The following MYZAP variants were observed in gnomAD, a reference collection of about 807,000 sequenced individuals.
MYZAP encodes the protein myocardial zonula adherens protein, also known as GRINL1A complex locus upstream.
MYZAP carries 66 observed loss-of-function variants against 69.4 expected under a neutral mutation model. The ratio of observed to expected loss-of-function variants is 0.95; its 90% CI spans 0.78 to 1.17. The LOEUF (loss-of-function observed/expected upper bound fraction) is 1.17. Ranked by LOEUF, MYZAP falls within the 50% of genes most tolerant of loss-of-function variation. MYZAP has a pLI of 0.00. For synonymous variants in MYZAP, 256 were observed against 205.9 expected, an observed-to-expected ratio of 1.24 and a Z score of -2.09; for missense variants, 611 against 556.2, an observed-to-expected ratio of 1.10 and a Z score of -0.99.
At chr15:57,654,303 CG>C (rs1301881918) in intron 10 of MYZAP, among the ~76,000 whole-genome samples, 1 of 151,936 alleles carries the variant, frequency 6.6e-6, no homozygotes, top group Non-Finnish European at 1.5e-5. Context: ...TTTGTTTCAG[CG>C]GGAAACTCCT....
chr15:57,684,277 C>A lies in MYZAP; in HGVS notation c.1305-125C>A, dbSNP rs7172604. ...TGTAATATTTAAGTGAAATATTAAG[C>A]TGCATTATTGTCTTTTTATTTTTAA... On this transcript the variant is annotated intron_variant, in intron 12 of 12. Transcript: ENST00000267853. The A allele has an allele frequency of 2.7e-4, 181 of 661,938 alleles. No homozygotes were observed. In the African/African-American group the frequency reaches 3.0e-3, roughly 11 times the overall value. The allele number at this position is 661,938 out of a possible 1,614,324, so 41.0% of individuals were successfully genotyped here. A position where few individuals can be genotyped will look rare whatever the true frequency, so the allele number is the denominator to read the frequency against.
Position 57,618,041 on chromosome 15 carries a change from C to T in MYZAP, c.171C>T (p.Asp57=), listed in dbSNP as rs557151193. ...TTCCTACTTTCTTTTAGCTTCTTGACCTGAGCAATGGAGAACCTACCAGGA... is the reference window on the plus strand; with the variant it reads ...TTCCTACTTTCTTTTAGCTTCTTGATCTGAGCAATGGAGAACCTACCAGGA... ...KKIERKEQLL[D]LSNGEPTRKL... The change falls in exon 3 of 13, where the codon GAC becomes GAT. Residue 57 remains aspartate, a synonymous_variant. Transcript: ENST00000267853. 3 of 1,612,188 alleles carry T rather than the reference C, an allele frequency of 1.9e-6. No individual in the cohort carries two copies. The highest frequency in any genetic ancestry group is 1.3e-5 in the African/African-American group (1 of 74,866).
intron 9 of MYZAP, among the ~76,000 whole-genome samples, chr15:57,638,903 A>T (rs898561910): frequency 6.6e-6 from 1 of 152,214 alleles, no homozygotes; most frequent in Non-Finnish European, 1.5e-5. Flanking sequence ...ATATGTTAAT[A>T]ACCCCAAAAC....
In MYZAP at chr15:57,639,424, C is replaced by T. The variant is rs1480692328; in HGVS notation, c.1014-16C>T. On this transcript the variant is annotated splice_polypyrimidine_tract_variant and intron_variant, in intron 9 of 12. Transcript: ENST00000267853. ...TGGTTTAGGACTCATTTGCTTTTTTCTCCTATTTGTGTTAGGTATCAGCAG... is the reference window on the plus strand; with the variant it reads ...TGGTTTAGGACTCATTTGCTTTTTTTTCCTATTTGTGTTAGGTATCAGCAG... 2 of 1,612,632 alleles carry T rather than the reference C, an allele frequency of 1.2e-6. No homozygotes were observed. Among genetic ancestry groups the T allele is most frequent in the Non-Finnish European group, 8.5e-7 (1 of 1,179,448 alleles).
chr15:57,634,190 T>A (rs1463771024), intron 8 of MYZAP, among the ~76,000 whole-genome samples: 1 of 151,776 alleles, frequency 6.6e-6, no homozygotes, highest in Non-Finnish European at 1.5e-5. Context: ...CTGGTGAGTG[T>A]GGTGGGGGAA....
At chr15:57,643,748 T>G (rs2037293933) in intron 10 of MYZAP, among the ~76,000 whole-genome samples, 2 of 152,236 alleles carry the variant, frequency 1.3e-5, no homozygotes, top group Admixed American at 1.3e-4. Context: ...TTTGTTTTTT[T>G]TTTTTTTAAG....
intron 1 of MYZAP, among the ~76,000 whole-genome samples, chr15:57,594,742 A>G (rs2033944728): frequency 6.6e-6 from 1 of 152,216 alleles, no homozygotes; most frequent in Non-Finnish European, 1.5e-5. Flanking sequence ...ACACATGACT[A>G]CTTTATCATG....
intron 11 of MYZAP, among the ~76,000 whole-genome samples, chr15:57,666,517 C>G (rs1327176715): frequency 2.0e-5 from 3 of 152,182 alleles, no homozygotes; most frequent in Non-Finnish European, 1.5e-5. Context: ...CCAAATGACA[C>G]AGCAGACTCC....
In MYZAP at chr15:57,634,201, C is replaced by T. The variant is rs373763653; in HGVS notation, c.933+460C>T. On this transcript the variant is annotated intron_variant, in intron 8 of 12. Transcript: ENST00000267853. ...CAGGCTGGTGAGTGTGGTGGGGGAA[C>T]CTGAGGAAGGCGGGAGCTCAGCTGG... Among the ~76,000 whole-genome samples, 19 of 151,826 alleles carry T rather than the reference C, an allele frequency of 1.3e-4. No homozygotes were observed. In the East Asian group the frequency reaches 3.3e-3, roughly 26 times the overall value.
chr15:57,624,937 G>T lies in MYZAP; in HGVS notation c.412-842G>T, dbSNP rs560545461. Among the ~76,000 whole-genome samples, 127 of 152,184 alleles carry T rather than the reference G, an allele frequency of 8.3e-4. 2 individuals carry two copies. In the South Asian group the frequency reaches 8.9e-3, roughly 11 times the overall value. ...CCACATGGGGGGCCTTCCACCCTCA[G>T]TCCTAACTGTATCTAGCCTCTTACC... On this transcript the variant is annotated intron_variant, in intron 4 of 12. Transcript: ENST00000267853.
chr15:57,681,526 G>A (rs1165244252), intron 12 of MYZAP, among the ~76,000 whole-genome samples: 1 of 152,248 alleles, frequency 6.6e-6, no homozygotes, highest in East Asian at 1.9e-4. Flanking sequence ...GCTCACGCCT[G>A]TAATCCCAGC....
At chr15:57,628,822 C>T (rs61047793) in intron 5 of MYZAP, among the ~76,000 whole-genome samples, 5 of 152,196 alleles carry the variant, frequency 3.3e-5, no homozygotes, top group East Asian at 3.9e-4. Flanking sequence ...TGGTGGCTCA[C>T]GCCTGTAATC....
intron 10 of MYZAP, among the ~76,000 whole-genome samples, chr15:57,650,410 CT>C (rs1186901377): frequency 5.3e-5 from 8 of 152,120 alleles, no homozygotes; most frequent in Non-Finnish European, 1.0e-4. Context: ...CTCAGAGGAC[CT>C]TCTGGCTGAC....
At chr15:57,643,654 T>C (rs2037285092) in intron 10 of MYZAP, among the ~76,000 whole-genome samples, 1 of 152,118 alleles carries the variant, frequency 6.6e-6, no homozygotes, top group Non-Finnish European at 1.5e-5. Context: ...CTATTTGCCT[T>C]CCAAGAGGGT....
chr15:57,641,664 AAGAG>A (rs1295176347), intron 10 of MYZAP, among the ~76,000 whole-genome samples: 3 of 152,308 alleles, frequency 2.0e-5, no homozygotes, highest in Admixed American at 6.5e-5. Flanking sequence ...CAGCAACAAA[AAGAG>A]AGAGAGACAC....
intron 1 of MYZAP, among the ~76,000 whole-genome samples, chr15:57,603,550 C>T (rs2034551800): frequency 6.6e-6 from 1 of 152,182 alleles, no homozygotes; most frequent in South Asian, 2.1e-4. Context: ...ATTTTGATTA[C>T]TCCTGGTACC....
intron 8 of MYZAP, among the ~76,000 whole-genome samples, chr15:57,634,380 G>C (rs1442004308): frequency 6.6e-6 from 1 of 152,170 alleles, no homozygotes; most frequent in African/African-American, 2.4e-5. Context: ...GCTGACTTCT[G>C]GACCCAGGAG....
At chr15:57,655,379 G>C (rs1219122291) in intron 10 of MYZAP, among the ~76,000 whole-genome samples, 2 of 152,160 alleles carry the variant, frequency 1.3e-5, no homozygotes, top group Admixed American at 6.5e-5. Context: ...TGGGAAAATA[G>C]GGAGCACAGC....
intron 3 of MYZAP, among the ~76,000 whole-genome samples, chr15:57,619,244 A>T (rs1161668381): frequency 1.3e-5 from 2 of 152,254 alleles, no homozygotes; most frequent in Non-Finnish European, 2.9e-5. Context: ...CTTAGCAGAA[A>T]ATATGAGGAA....
Sources: allele counts gnomAD v4.1 joint callset (sites outside exome capture counted in the v4.1 genomes callset), GRCh38; gene constraint gnomAD v4.1.1; transcripts MANE v1.5; gene names NCBI Gene and HGNC (gene_info 2026-07-23, HGNC 2026-07-21).